Variants in CCDC178 observed in about 807,000 individuals in gnomAD.
CCDC178 encodes coiled-coil domain-containing protein 178.
A neutral mutation model predicts 117.4 loss-of-function variants in CCDC178; 126 were observed. The ratio of observed to expected loss-of-function variants is 1.07; its 90% CI spans 0.93 to 1.24. The LOEUF (loss-of-function observed/expected upper bound fraction) is 1.24. Ranked by LOEUF, CCDC178 falls within the 50% of genes most tolerant of loss-of-function variation. The probability of loss-of-function intolerance (pLI) is 0.00; values close to 1 mark genes in which losing one functional copy is unlikely to be tolerated. For synonymous variants in CCDC178, 283 were observed against 313.4 expected (o/e 0.90, Z 1.02); for missense variants, 1,030 against 986.9 (o/e 1.04, Z -0.59).
chr18:33,166,434 A>G (rs941255845), intron 20 of CCDC178, among the ~76,000 whole-genome samples: 1 of 152,112 alleles, frequency 6.6e-6, no homozygotes, highest in African/African-American at 2.4e-5. Flanking sequence ...AAGGAAAAAA[A>G]TCTCCCTACG....
intron 12 of CCDC178, among the ~76,000 whole-genome samples, chr18:33,283,001 G>A (rs2060044720): frequency 1.3e-5 from 2 of 152,140 alleles, no homozygotes; most frequent in African/African-American, 2.4e-5. Context: ...GTCTCCAGCA[G>A]GGGCCTCCTT....
At chr18:33,062,986 T>C (rs1161229013) in intron 21 of CCDC178, among the ~76,000 whole-genome samples, 3 of 152,260 alleles carry the variant, frequency 2.0e-5, no homozygotes, top group East Asian at 3.9e-4. Flanking sequence ...GGAGCCCGCA[T>C]TCAGCAGAGC....
chr18:33,425,346 A>T (rs1185060702), intron 2 of CCDC178, among the ~76,000 whole-genome samples: 1 of 152,204 alleles, frequency 6.6e-6, no homozygotes, highest in Non-Finnish European at 1.5e-5. Flanking sequence ...TGGAAAAGAT[A>T]TTGGGAAATT....
chr18:33,109,402 A>C (rs2057750495), intron 20 of CCDC178, among the ~76,000 whole-genome samples: 1 of 151,642 alleles, frequency 6.6e-6, no homozygotes, highest in Non-Finnish European at 1.5e-5. Flanking sequence ...TAAAAAAGAG[A>C]TGCAAAACAT....
intron 12 of CCDC178, among the ~76,000 whole-genome samples, chr18:33,284,844 G>T (rs966323010): frequency 6.6e-6 from 1 of 151,940 alleles, no homozygotes; most frequent in Non-Finnish European, 1.5e-5. Context: ...AGACAGAAAT[G>T]ACTTTCAAAG....
intron 20 of CCDC178, among the ~76,000 whole-genome samples, chr18:33,125,135 T>A (rs564047618): frequency 3.3e-4 from 51 of 152,240 alleles, no homozygotes; most frequent in African/African-American, 1.1e-3. Flanking sequence ...CTGGCAGGCT[T>A]CAATATCTCA....
chr18:33,317,171 C>A (rs1168491298), intron 11 of CCDC178, among the ~76,000 whole-genome samples: 1 of 152,134 alleles, frequency 6.6e-6, no homozygotes, highest in Non-Finnish European at 1.5e-5. Flanking sequence ...CTACTGCTCA[C>A]TCTTTGGGTC....
rs201455424 is a variant in CCDC178, at chr18:33,293,297, T to C, written c.1038A>G (p.Gln346=). 19 of 1,504,008 alleles carry C rather than the reference T, an allele frequency of 1.3e-5. No homozygotes were observed. The Admixed American group carries it at 2.5e-4, about 19-fold the overall frequency. The allele number at this position is 1,504,008 out of a possible 1,614,324, so 93.2% of individuals were successfully genotyped here. A position where few individuals can be genotyped will look rare whatever the true frequency, so the allele number is the denominator to read the frequency against. ...TIEAYKREIY[Q]LNSLFDHYSS... Reference sequence around the variant, plus strand: ...AGTAATGATCAAATAGACTGTTAAGTTGATATATCTCTCTCCTAGGGATAA... The same window carrying C: ...AGTAATGATCAAATAGACTGTTAAGCTGATATATCTCTCTCCTAGGGATAA... Residue 346 remains glutamine (Q), a synonymous_variant, in exon 12 of 23, where the codon CAA becomes CAG. Coordinates refer to ENST00000383096, the MANE Select transcript of CCDC178 (RefSeq NM_001105528.4).
intron 21 of CCDC178, among the ~76,000 whole-genome samples, chr18:33,011,559 A>T (rs2055865291): frequency 6.6e-6 from 1 of 151,804 alleles, no homozygotes; most frequent in Non-Finnish European, 1.5e-5. Flanking sequence ...GGCGAAATAT[A>T]CTCAGGCCTC....
At chr18:33,309,468 T>C (rs1294444521) in intron 11 of CCDC178, among the ~76,000 whole-genome samples, 1 of 152,172 alleles carries the variant, frequency 6.6e-6, no homozygotes, top group Non-Finnish European at 1.5e-5. Context: ...AGAAAAACTT[T>C]GTGTAATTCA....
At chr18:33,314,612 A>G (rs1397427009) in intron 11 of CCDC178, among the ~76,000 whole-genome samples, 1 of 152,182 alleles carries the variant, frequency 6.6e-6, no homozygotes, top group Non-Finnish European at 1.5e-5. Context: ...AATTTTAAAA[A>G]GTAGTAAAAG....
chr18:33,178,392 A>G (rs1443842935), intron 20 of CCDC178, among the ~76,000 whole-genome samples: 1 of 152,040 alleles, frequency 6.6e-6, no homozygotes, highest in Non-Finnish European at 1.5e-5. Flanking sequence ...TTGAAATATT[A>G]CTTTAAGCCT....
At chr18:33,351,147 G>GGTGT (rs756492350) in intron 7 of CCDC178, among the ~76,000 whole-genome samples, 3 of 74,042 alleles carry the variant, frequency 4.1e-5, no homozygotes, top group African/African-American at 1.6e-4. Flanking sequence ...CACTGATCAT[G>GGTGT]ATGTGTGTGT....
intron 21 of CCDC178, among the ~76,000 whole-genome samples, chr18:32,982,581 CT>C (rs1179844960): frequency 1.3e-5 from 2 of 152,016 alleles, no homozygotes; most frequent in Admixed American, 6.6e-5. Context: ...CTTATTTATA[CT>C]TTTTTGGATG....
At chr18:33,386,581 C>T (rs1032489753) in intron 5 of CCDC178, among the ~76,000 whole-genome samples, 8 of 152,240 alleles carry the variant, frequency 5.3e-5, no homozygotes, top group Admixed American at 2.6e-4. Flanking sequence ...AATCAATAAA[C>T]GTAATTTATC....
At chr18:33,362,179 G>GTATA (rs1314472009) in intron 6 of CCDC178, among the ~76,000 whole-genome samples, 1 of 36,072 alleles carries the variant, frequency 2.8e-5, no homozygotes, top group Non-Finnish European at 5.0e-5. Flanking sequence ...ATGTCTGTAT[G>GTATA]TATATATATA....
intron 14 of CCDC178, among the ~76,000 whole-genome samples, chr18:33,251,799 C>A (rs1250799229): frequency 5.3e-5 from 8 of 151,688 alleles, no homozygotes; most frequent in Admixed American, 5.3e-4. Context: ...AAACCAGGAT[C>A]CACCCTGTGA....
chr18:33,329,872 T>C (rs997425644), intron 10 of CCDC178, among the ~76,000 whole-genome samples: 4 of 107,158 alleles, frequency 3.7e-5, no homozygotes, highest in Non-Finnish European at 5.7e-5. Context: ...TGGAGAATTA[T>C]TAGAGTGTGT....
intron 15 of CCDC178, among the ~76,000 whole-genome samples, chr18:33,228,882 A>G (rs1433449838): frequency 6.6e-6 from 1 of 152,242 alleles, no homozygotes; most frequent in Non-Finnish European, 1.5e-5. Context: ...CCAAGAGGCT[A>G]CACAGTTTCT....
Sources: gnomAD v4.1 joint callset for allele counts (sites outside exome capture counted in the v4.1 genomes callset) on GRCh38, gnomAD v4.1.1 for gene constraint, MANE v1.5 for transcripts, NCBI Gene and HGNC (gene_info 2026-07-23, HGNC 2026-07-21) for gene names.